Variants in STAG1 observed in about 807,000 individuals in gnomAD.
The protein encoded by STAG1 is STAG1 cohesin complex component, also known as cohesin subunit SA-1.
Under a neutral mutation model 170.9 loss-of-function variants are expected in STAG1, and 26 were observed. The observed-to-expected ratio is 0.15, with a 90% CI of 0.11 to 0.21. The LOEUF (loss-of-function observed/expected upper bound fraction) is 0.21. Among genes scored for constraint, STAG1 ranks in the 10% least tolerant of loss-of-function variants. The probability of loss-of-function intolerance (pLI) is 1.00; values close to 1 mark genes in which losing one functional copy is unlikely to be tolerated. For synonymous variants in STAG1, 514 were observed against 497.7 expected, an observed-to-expected ratio of 1.03 and a Z score of -0.44; for missense variants, 964 against 1,509.5, an observed-to-expected ratio of 0.64 and a Z score of 5.99.
At chr3:136,633,223 A>G (rs1315098558) in intron 1 of STAG1, among the ~76,000 whole-genome samples, 3 of 151,644 alleles carry the variant, frequency 2.0e-5, no homozygotes, top group Non-Finnish European at 4.4e-5. Context: ...GCCCCAAAAT[A>G]AAAATTAAAA....
chr3:136,712,589 A>G, intron 1 of STAG1, among the ~76,000 whole-genome samples: 1 of 152,224 alleles, frequency 6.6e-6, no homozygotes, highest in South Asian at 2.1e-4. Context: ...TAAAGCCATC[A>G]AAAATGGCTA....
chr3:136,464,083 A>G (rs2089373245), intron 13 of STAG1, among the ~76,000 whole-genome samples: 1 of 151,692 alleles, frequency 6.6e-6, no homozygotes, highest in African/African-American at 2.4e-5. Flanking sequence ...AACTGCAACT[A>G]TATATATATA....
intron 1 of STAG1, among the ~76,000 whole-genome samples, chr3:136,642,357 C>T (rs973308808): frequency 1.3e-5 from 2 of 148,432 alleles, no homozygotes; most frequent in Admixed American, 1.4e-4. Flanking sequence ...CTGCAACCTC[C>T]GCCTCCTGGG....
chr3:136,737,053 G>A, intron 1 of STAG1: 1 of 1,350,748 alleles, frequency 7.4e-7, no homozygotes, highest in Non-Finnish European at 1.1e-6. Flanking sequence ...TTCAGGATCT[G>A]AAGAACCTCA....
intron 9 of STAG1, among the ~76,000 whole-genome samples, chr3:136,489,525 C>G (rs1447071250): frequency 2.0e-5 from 3 of 152,098 alleles, no homozygotes; most frequent in African/African-American, 7.2e-5. Flanking sequence ...TACAAGGAAT[C>G]TCATGAGAGC....
At chr3:136,529,992 T>C (rs1490559044) in intron 6 of STAG1, among the ~76,000 whole-genome samples, 1 of 152,088 alleles carries the variant, frequency 6.6e-6, no homozygotes, top group Admixed American at 6.6e-5. Flanking sequence ...CCACAAGTAA[T>C]GCACTTTACC....
At chr3:136,725,048 T>G (rs1933580824) in intron 1 of STAG1, among the ~76,000 whole-genome samples, 1 of 152,200 alleles carries the variant, frequency 6.6e-6, no homozygotes, top group Non-Finnish European at 1.5e-5. Flanking sequence ...CTAGAAAGGT[T>G]CCAAATGGAA....
Position 136,594,304 on chromosome 3 carries a change from G to A in STAG1, c.297+10005C>T, listed in dbSNP as rs146439447. On this transcript the variant is annotated intron_variant, in intron 4 of 33. Transcript: ENST00000383202. ...TTGGCATGTAACTCATCTATAATTC[G>A]GAGGCTAGAAGAAACCAATGTCACT... Among the ~76,000 whole-genome samples, 12 of 152,106 alleles carry A rather than the reference G, an allele frequency of 7.9e-5. No individual in the cohort carries two copies. In the East Asian group the frequency reaches 1.9e-3, roughly 24 times the overall value.
intron 1 of STAG1, chr3:136,736,614 T>C (rs1390060727): frequency 6.3e-7 from 1 of 1,594,202 alleles, no homozygotes; most frequent in Non-Finnish European, 8.6e-7. Context: ...ATCTCGACTT[T>C]CCTCAAAGTT....
At chr3:136,508,369 G>A (rs1261678234) in intron 7 of STAG1, among the ~76,000 whole-genome samples, 1 of 152,086 alleles carries the variant, frequency 6.6e-6, no homozygotes, top group Non-Finnish European at 1.5e-5. Flanking sequence ...TTTCTAGAGA[G>A]GAAATGTTTG....
intron 5 of STAG1, among the ~76,000 whole-genome samples, chr3:136,548,612 T>A (rs1936258424): frequency 2.6e-5 from 4 of 152,220 alleles, no homozygotes; most frequent in Admixed American, 2.6e-4. Context: ...TAAGACCACT[T>A]TAGGCAGTAT....
intron 9 of STAG1, among the ~76,000 whole-genome samples, chr3:136,492,301 T>C (rs2090138911): frequency 1.3e-5 from 2 of 152,208 alleles, no homozygotes; most frequent in Non-Finnish European, 1.5e-5. Flanking sequence ...CAAGGTCTGA[T>C]TAAATAAAAT....
chr3:136,386,540 G>A (rs556131064), intron 22 of STAG1, among the ~76,000 whole-genome samples: 4 of 152,082 alleles, frequency 2.6e-5, no homozygotes, highest in Admixed American at 6.6e-5. Flanking sequence ...ACCCATAACA[G>A]CAAACTGTAT....
At chr3:136,716,508 C>T (rs1943545565) in intron 1 of STAG1, among the ~76,000 whole-genome samples, 1 of 152,124 alleles carries the variant, frequency 6.6e-6, no homozygotes, top group African/African-American at 2.4e-5. Context: ...CTGCCAGGCA[C>T]GCTGGCTCAT....
rs574261303 is a variant in STAG1, at chr3:136,408,972, T to C, written c.2196+8913A>G. On this transcript the variant is annotated intron_variant, in intron 21 of 33. Transcript: ENST00000383202. Reference sequence around the variant, plus strand: ...ACTCTATCAATATAAATAACATAAATAGTAAGTCACAAGCCAGGTGCGGTG... The same window carrying C: ...ACTCTATCAATATAAATAACATAAACAGTAAGTCACAAGCCAGGTGCGGTG... 2.6e-5 allele frequency among the ~76,000 whole-genome samples: 4 copies of C among 152,134 alleles called. No homozygotes were observed. In the South Asian group the frequency reaches 8.3e-4, roughly 32 times the overall value.
chr3:136,423,979 T>C (rs1234055114), intron 16 of STAG1, among the ~76,000 whole-genome samples: 1 of 151,844 alleles, frequency 6.6e-6, no homozygotes, highest in Non-Finnish European at 1.5e-5. Context: ...TTCTCCTGCA[T>C]CAGCCTCCTG....
chr3:136,618,718 A>C (rs1321686391), intron 3 of STAG1, among the ~76,000 whole-genome samples: 1 of 152,180 alleles, frequency 6.6e-6, no homozygotes, highest in Non-Finnish European at 1.5e-5. Context: ...TCTTTTCTTT[A>C]AGGGATTAGA....
intron 1 of STAG1, among the ~76,000 whole-genome samples, chr3:136,742,646 T>C (rs1053131645): frequency 6.7e-5 from 10 of 150,210 alleles, no homozygotes; most frequent in Non-Finnish European, 1.5e-4. Flanking sequence ...ACCTGGAAGG[T>C]GGAGGTTTCA....
chr3:136,570,771 C>A (rs2107764394), intron 4 of STAG1, among the ~76,000 whole-genome samples: 1 of 152,342 alleles, frequency 6.6e-6, no homozygotes, highest in East Asian at 1.9e-4. Context: ...CTTCAATGAC[C>A]TTCCATTGGG....
Sources: gnomAD v4.1 joint callset for allele counts (sites outside exome capture counted in the v4.1 genomes callset) on GRCh38, gnomAD v4.1.1 for gene constraint, MANE v1.5 for transcripts, NCBI Gene and HGNC (gene_info 2026-07-23, HGNC 2026-07-21) for gene names.